VIPR2: variants seen among roughly 807,000 people sequenced by gnomAD.
VIPR2 encodes vasoactive intestinal peptide receptor 2.
VIPR2 carries 48 observed loss-of-function variants against 58.0 expected under a neutral mutation model. That is an observed-to-expected ratio of 0.83 (90% CI 0.66 to 1.05). The LOEUF (loss-of-function observed/expected upper bound fraction) is 1.05. Among genes scored for constraint, VIPR2 ranks in the 50% least tolerant of loss-of-function variants. VIPR2 has a pLI of 0.00. For missense variants in VIPR2, 534 were observed against 558.0 expected, an observed-to-expected ratio of 0.96 and a Z score of 0.43; for synonymous variants, 243 against 235.2, an observed-to-expected ratio of 1.03 and a Z score of -0.30.
At chr7:159,137,841 T>C (rs139486681) in intron 2 of VIPR2, among the ~76,000 whole-genome samples, 2,551 of 152,204 alleles carry the variant, frequency 0.017, 82 homozygotes, top group African/African-American at 0.057. Context: ...AAAAAGTTAT[T>C]TGGACTAGAA....
chr7:159,063,425 C>G (rs1036422235), intron 4 of VIPR2, among the ~76,000 whole-genome samples: 1 of 152,050 alleles, frequency 6.6e-6, no homozygotes, highest in Non-Finnish European at 1.5e-5. Context: ...GCCGGCCGGC[C>G]GCTCCAAGTG....
intron 4 of VIPR2, among the ~76,000 whole-genome samples, chr7:159,073,775 G>A (rs1856514668): frequency 2.0e-5 from 3 of 152,074 alleles, no homozygotes; most frequent in African/African-American, 7.2e-5. Context: ...TTCCTTTCAG[G>A]CACAGGCAGT....
rs1182549640 is a variant in VIPR2, at chr7:159,030,771, G to A, written c.1162C>T (p.Arg388Ter). The A allele has an allele frequency of 1.3e-6, 2 of 1,594,678 alleles. No homozygotes were observed. The highest frequency in any genetic ancestry group is 1.7e-5 in the Admixed American group (1 of 58,562). Residue 388 changes from arginine to a stop codon, truncating the protein, a stop_gained, in exon 13 of 13, where the codon CGA becomes TGA. Transcript: ENST00000262178. LOFTEE classifies it low-confidence loss of function (END_TRUNC). ...LNSEVQCELK[R>*]KWRSRCPTPS... is the part of the protein sequence containing the mutation. ...GTCGGGCACCGGCTTCGCCATTTTC[G>A]CTTCAGCTCGCACTGCACCTGGGAG...
At chr7:159,058,636 G>A in intron 4 of VIPR2, 58 bp from the exon 5 acceptor site, 1 of 1,296,294 alleles carries the variant, frequency 7.7e-7, no homozygotes, top group Non-Finnish European at 1.1e-6. Flanking sequence ...CCAGACAACA[G>A]GAATGGTTCC....
At chr7:159,113,257 A>G (rs1399612492) in intron 2 of VIPR2, among the ~76,000 whole-genome samples, 1 of 152,192 alleles carries the variant, frequency 6.6e-6, no homozygotes, top group African/African-American at 2.4e-5. Flanking sequence ...TAGATTGCAG[A>G]CATTGTATAG....
intron 2 of VIPR2, among the ~76,000 whole-genome samples, chr7:159,112,165 CA>C (rs1316483960): frequency 2.6e-5 from 4 of 152,198 alleles, no homozygotes; most frequent in African/African-American, 9.7e-5. Flanking sequence ...CTTTGCATTA[CA>C]GTAGGATTTG....
chr7:159,040,533 CTG>C (rs761478507), intron 6 of VIPR2, among the ~76,000 whole-genome samples: 1 of 152,204 alleles, frequency 6.6e-6, no homozygotes, highest in African/African-American at 2.4e-5. Context: ...CCAGAGGAAA[CTG>C]TGTCTCTGTC....
At chr7:159,117,178 G>C (rs1018935329) in intron 2 of VIPR2, 1 of 632,020 alleles carries the variant, frequency 1.6e-6, no homozygotes, top group African/African-American at 1.8e-5. Flanking sequence ...CAGCCGAGCA[G>C]TCGGGCTTCT....
At chr7:159,144,313 G>A in intron 1 of VIPR2, 1 of 1,513,450 alleles carries the variant, frequency 6.6e-7, no homozygotes, top group Non-Finnish European at 8.9e-7. Flanking sequence ...AGTACAGGGA[G>A]GGACCGAGAG....
rs1421762428 is a variant in VIPR2, at chr7:159,096,937, G to A, written c.357+6820C>T. 6 of 1,550,670 alleles carry A rather than the reference G, an allele frequency of 3.9e-6. No homozygotes were observed. The highest frequency in any genetic ancestry group is 5.2e-6 in the Non-Finnish European group (6 of 1,147,038). ...CACTCGATGAGCCAATGCCCTCGTG[G>A]CTGGCATTGAGCTTGGCACCTGCTG... On this transcript the variant is annotated intron_variant, in intron 4 of 12. Coordinates refer to ENST00000262178, the MANE Select transcript of VIPR2 (RefSeq NM_003382.5). The surrounding 1 kb of genome is among the most constrained non-coding windows in gnomAD (Gnocchi z 5.5).
intron 2 of VIPR2, among the ~76,000 whole-genome samples, chr7:159,115,510 C>A (rs1796202756): frequency 1.3e-5 from 2 of 152,242 alleles, no homozygotes; most frequent in South Asian, 2.1e-4. Flanking sequence ...GAGAAGGAGC[C>A]TCCTCTGATC....
At chr7:159,109,698 G>T in intron 3 of VIPR2, 114 bp downstream of exon 3, 2 of 963,826 alleles carry the variant, frequency 2.1e-6, no homozygotes, top group Admixed American at 1.9e-5. Context: ...CTGACCCCCA[G>T]GGTAGCAGGA....
At chr7:159,119,982 G>A (rs1186524687) in intron 2 of VIPR2, among the ~76,000 whole-genome samples, 2 of 152,264 alleles carry the variant, frequency 1.3e-5, no homozygotes, top group African/African-American at 2.4e-5. Context: ...AGGTGGGGTC[G>A]GAAGAAATGC....
chr7:159,104,580 C>T (rs190750326), intron 3 of VIPR2, among the ~76,000 whole-genome samples: 2 of 134,872 alleles, frequency 1.5e-5, no homozygotes, highest in Admixed American at 7.1e-5. Context: ...CCCTCACCAC[C>T]GATGGTGACC....
At chr7:159,086,725 C>T (rs1420351353) in intron 4 of VIPR2, among the ~76,000 whole-genome samples, 7 of 152,238 alleles carry the variant, frequency 4.6e-5, no homozygotes, top group African/African-American at 9.6e-5. Context: ...TGCCTGCCTC[C>T]GAGCGCCTGC....
chr7:159,063,482 G>A (rs968418581), intron 4 of VIPR2, among the ~76,000 whole-genome samples: 5 of 151,946 alleles, frequency 3.3e-5, no homozygotes, highest in Admixed American at 6.5e-5. Context: ...CAAGGGCCGC[G>A]CACAGCCCCG....
chr7:159,045,653 G>T lies in VIPR2; in HGVS notation c.456-2477C>A, dbSNP rs999545783. On this transcript the variant is annotated intron_variant, in intron 5 of 12. Transcript: ENST00000262178. Reference sequence around the variant, plus strand: ...AAAAAACATAGGAGCAAATATTCAAGACCTTTGGATTTCCTGTGTACTTGT... The same window carrying T: ...AAAAAACATAGGAGCAAATATTCAATACCTTTGGATTTCCTGTGTACTTGT... Among the ~76,000 whole-genome samples, 14 of 152,056 alleles carry T rather than the reference G, an allele frequency of 9.2e-5. No homozygotes were observed. The East Asian group carries it at 2.1e-3, about 23-fold the overall frequency.
chr7:159,063,285 G>A (rs970009069), intron 4 of VIPR2, among the ~76,000 whole-genome samples: 3 of 152,280 alleles, frequency 2.0e-5, no homozygotes, highest in African/African-American at 4.8e-5. Flanking sequence ...CCTGCCCTGC[G>A]GGGAGGCAGC....
At chr7:159,106,911 A>AAGAGGCCATCCAGGGGCAG (rs1795764876) in intron 3 of VIPR2, among the ~76,000 whole-genome samples, 2 of 95,732 alleles carry the variant, frequency 2.1e-5, no homozygotes, top group African/African-American at 4.1e-5. Context: ...GAGGTGCAGA[A>AAGAGGCCATCCAGGGGCAG]AGAGGCCAGG....
Sources: gnomAD v4.1 joint callset for allele counts (sites outside exome capture counted in the v4.1 genomes callset) on GRCh38, gnomAD v4.1.1 for gene constraint, Gnocchi (gnomAD v3.1) non-coding constraint, MANE v1.5 for transcripts, NCBI Gene and HGNC (gene_info 2026-07-23, HGNC 2026-07-21) for gene names.